The following MALRD1 variants were observed in gnomAD, a reference collection of about 807,000 sequenced individuals.
MALRD1 encodes the protein MAM and LDL-receptor class A domain-containing protein 1.
Under a neutral mutation model 242.1 loss-of-function variants are expected in MALRD1, and 247 were observed. That is an observed-to-expected ratio of 1.02 (90% CI 0.92 to 1.13). MALRD1 has a LOEUF of 1.13. Ranked by LOEUF, MALRD1 falls within the 50% of genes most tolerant of loss-of-function variation. MALRD1 has a pLI of 0.00. For synonymous variants in MALRD1, 995 were observed against 866.6 expected (o/e 1.15, Z -2.60); for missense variants, 2,989 against 2,533.1 (o/e 1.18, Z -3.86).
chr10:19,720,424 A>T (rs1385771832), intron 38 of MALRD1, among the ~76,000 whole-genome samples: 1 of 152,194 alleles, frequency 6.6e-6, no homozygotes, highest in African/African-American at 2.4e-5. Context: ...CCACAAAATA[A>T]ATGCTTTATC....
chr10:19,649,563 C>T (rs1475345888), intron 36 of MALRD1, among the ~76,000 whole-genome samples: 4 of 152,096 alleles, frequency 2.6e-5, no homozygotes, highest in East Asian at 3.9e-4. Flanking sequence ...GTCCTTTGTC[C>T]ACTTTTTAAT....
chr10:19,105,959 C>T (rs1836447499), intron 5 of MALRD1, among the ~76,000 whole-genome samples: 1 of 151,984 alleles, frequency 6.6e-6, no homozygotes, highest in East Asian at 1.9e-4. Context: ...GCCTCTGATC[C>T]TGTAGGTTGT....
chr10:19,470,576 C>A (rs186118025), intron 29 of MALRD1, among the ~76,000 whole-genome samples: 1 of 151,980 alleles, frequency 6.6e-6, no homozygotes, highest in Non-Finnish European at 1.5e-5. Context: ...CAATGGTTTC[C>A]TTTTCTCCAC....
In MALRD1 at chr10:19,352,108, G is replaced by A; in HGVS notation, c.4252G>A (p.Glu1418Lys). 1 of 1,550,526 alleles carries A rather than the reference G, an allele frequency of 6.4e-7. No homozygotes were observed. Among genetic ancestry groups the A allele is most frequent in the African/African-American group, 1.4e-5 (1 of 73,148 alleles). The change falls in exon 26 of 40, where the codon GAA becomes AAA. Residue 1418 changes from glutamate to lysine, a missense_variant. By Grantham distance (56) the Glu-to-Lys change is moderately conservative. Transcript: ENST00000454679. ...QTKVLLNLTVEQGNFWRREEL... is the reference protein window; with the variant it reads ...QTKVLLNLTVKQGNFWRREEL... ...GAAGGTTCTACTTAACCTCACTGTA[G>A]AACAAGGCAATTTCTGGCGGAGAGA...
At chr10:19,428,386 T>A (rs1833982308) in intron 28 of MALRD1, among the ~76,000 whole-genome samples, 1 of 152,124 alleles carries the variant, frequency 6.6e-6, no homozygotes, top group Admixed American at 6.6e-5. Flanking sequence ...GATTCTGAAA[T>A]CTTTAACTCT....
chr10:19,149,932 T>C (rs73591930), intron 11 of MALRD1, among the ~76,000 whole-genome samples: 2 of 152,142 alleles, frequency 1.3e-5, no homozygotes, highest in East Asian at 3.9e-4. Flanking sequence ...TGGAATCATA[T>C]CATATGTAGC....
chr10:19,249,411 TG>T (rs1416543724), intron 18 of MALRD1, among the ~76,000 whole-genome samples: 6 of 151,824 alleles, frequency 4.0e-5, no homozygotes, highest in Admixed American at 1.3e-4. Flanking sequence ...CTTTGGCACA[TG>T]TTTTTTTTTT....
intron 18 of MALRD1, among the ~76,000 whole-genome samples, chr10:19,242,053 C>T (rs1443703471): frequency 6.6e-6 from 1 of 152,058 alleles, no homozygotes; most frequent in African/African-American, 2.4e-5. Flanking sequence ...ATGTATTAGT[C>T]TGTTTTCATA....
intron 33 of MALRD1, among the ~76,000 whole-genome samples, chr10:19,583,834 G>A (rs1837252633): frequency 6.6e-6 from 1 of 152,054 alleles, no homozygotes; most frequent in Admixed American, 6.5e-5. Context: ...GTAGAATTTG[G>A]CTGTGAATCC....
intron 5 of MALRD1, among the ~76,000 whole-genome samples, chr10:19,116,742 T>G (rs1376585758): frequency 6.6e-6 from 1 of 152,100 alleles, no homozygotes; most frequent in Non-Finnish European, 1.5e-5. Flanking sequence ...GATGGAGGAT[T>G]TGAAAACCCC....
At chr10:19,519,375 C>T (rs1162919022) in intron 31 of MALRD1, among the ~76,000 whole-genome samples, 1 of 152,086 alleles carries the variant, frequency 6.6e-6, no homozygotes, top group Non-Finnish European at 1.5e-5. Flanking sequence ...GAATGACAAA[C>T]TATTAGTATA....
intron 14 of MALRD1, among the ~76,000 whole-genome samples, chr10:19,199,144 C>G (rs1358480899): frequency 6.6e-6 from 1 of 151,886 alleles, no homozygotes; most frequent in East Asian, 1.9e-4. Flanking sequence ...CTTCATGCAA[C>G]TTTCAGCAGG....
At chr10:19,712,677 A>G (rs999651581) in intron 38 of MALRD1, among the ~76,000 whole-genome samples, 1 of 152,238 alleles carries the variant, frequency 6.6e-6, no homozygotes, top group Non-Finnish European at 1.5e-5. Context: ...ATAAAAAATT[A>G]TGGTGAGTTT....
chr10:19,376,609 G>C (rs930135111), intron 26 of MALRD1, among the ~76,000 whole-genome samples: 4 of 137,434 alleles, frequency 2.9e-5, no homozygotes, highest in Non-Finnish European at 4.5e-5. Flanking sequence ...AGGCTGGAGT[G>C]CAGTGGCATG....
intron 1 of MALRD1, chr10:19,052,225 T>TC (rs1834529446): frequency 7.8e-6 from 2 of 255,974 alleles, no homozygotes; most frequent in Non-Finnish European, 7.7e-6. Flanking sequence ...CCTTCCCCTT[T>TC]CCCCCCATTC....
chr10:19,176,649 C>T (rs11595593), intron 14 of MALRD1, among the ~76,000 whole-genome samples: 11,043 of 151,866 alleles, frequency 0.073, 532 homozygotes, highest in Non-Finnish European at 0.11. Flanking sequence ...GCTGGGATTA[C>T]AGGCGTGAGC....
chr10:19,456,696 GC>G (rs1170478223), intron 29 of MALRD1, among the ~76,000 whole-genome samples: 15 of 152,022 alleles, frequency 9.9e-5, no homozygotes, highest in Admixed American at 9.8e-4. Flanking sequence ...AAAGAAGAAG[GC>G]AATGAGTAGA....
chr10:19,302,218 A>G (rs555080297), intron 21 of MALRD1, among the ~76,000 whole-genome samples: 1 of 151,958 alleles, frequency 6.6e-6, no homozygotes, highest in Admixed American at 6.6e-5. Flanking sequence ...TTTCTTAAAA[A>G]GTCAAACAGA....
intron 18 of MALRD1, among the ~76,000 whole-genome samples, chr10:19,238,545 ATATAATG>A (rs1838585936): frequency 1.3e-5 from 1 of 75,650 alleles, no homozygotes; most frequent in African/African-American, 5.2e-5. Context: ...TATATATAAT[ATATAATG>A]TATATTATAT....
Sources: allele counts gnomAD v4.1 joint callset (sites outside exome capture counted in the v4.1 genomes callset), GRCh38; gene constraint gnomAD v4.1.1; transcripts MANE v1.5; gene names NCBI Gene and HGNC (gene_info 2026-07-23, HGNC 2026-07-21).